TNFSF4: variants seen among roughly 807,000 people sequenced by gnomAD.
TNFSF4 encodes the protein tumor necrosis factor ligand superfamily member 4.
TNFSF4 carries 4 observed loss-of-function variants against 7.3 expected under a neutral mutation model. The observed-to-expected ratio is 0.55, with a 90% CI of 0.27 to 1.25. The LOEUF (loss-of-function observed/expected upper bound fraction) is 1.25, where lower values mean the gene tolerates loss of function less well. Among genes scored for constraint, TNFSF4 ranks in the 50% most tolerant of loss-of-function variants. The pLI is 0.12. For missense variants in TNFSF4, 181 were observed against 208.8 expected, an observed-to-expected ratio of 0.87 and a Z score of 0.82; for synonymous variants, 76 against 83.7, an observed-to-expected ratio of 0.91 and a Z score of 0.50.
At chr1:173,431,557 GACCAA>G in the TNFSF4 span, among the ~76,000 whole-genome samples, 9 of 152,254 alleles carry the variant, frequency 5.9e-5, no homozygotes, top group Non-Finnish European at 1.0e-4. Flanking sequence ...TGAACCAACT[GACCAA>G]ACCAACTGCT....
the TNFSF4 span, among the ~76,000 whole-genome samples, chr1:173,406,750 C>T: frequency 6.6e-6 from 1 of 152,176 alleles, no homozygotes; most frequent in Admixed American, 6.5e-5. Flanking sequence ...CTCTGTCTTC[C>T]TGCCTCCTGT....
chr1:173,449,184 G>A, the TNFSF4 span, among the ~76,000 whole-genome samples: 1 of 152,088 alleles, frequency 6.6e-6, no homozygotes, highest in African/African-American at 2.4e-5. Context: ...ACCATGTGGT[G>A]TTCCCACTCC....
chr1:173,272,882 T>C, the TNFSF4 span, among the ~76,000 whole-genome samples: 6 of 152,110 alleles, frequency 3.9e-5, no homozygotes, highest in Non-Finnish European at 7.4e-5. Context: ...AAGGTCTTGA[T>C]CTCATTCATT....
the TNFSF4 span, among the ~76,000 whole-genome samples, chr1:173,387,403 G>A: frequency 6.6e-6 from 1 of 152,144 alleles, no homozygotes; most frequent in South Asian, 2.1e-4. Flanking sequence ...ATCTTGGAAG[G>A]AGAGCAGCCC....
At chr1:173,414,470 T>G in the TNFSF4 span, among the ~76,000 whole-genome samples, 7 of 152,182 alleles carry the variant, frequency 4.6e-5, no homozygotes, top group Non-Finnish European at 1.0e-4. Context: ...GGGGACGCAA[T>G]TCAATCTGTA....
chr1:173,349,047 T>G, the TNFSF4 span, among the ~76,000 whole-genome samples: 1 of 152,130 alleles, frequency 6.6e-6, no homozygotes, highest in African/African-American at 2.4e-5. Context: ...TTATTTTTTT[T>G]AGACGGAGTC....
At chr1:173,447,219 C>T in the TNFSF4 span, among the ~76,000 whole-genome samples, 1 of 152,032 alleles carries the variant, frequency 6.6e-6, no homozygotes, top group African/African-American at 2.4e-5. Context: ...TCAGTGATTG[C>T]CAGAGTTTAG....
At chr1:173,221,368 A>G in the TNFSF4 span, among the ~76,000 whole-genome samples, 1 of 152,192 alleles carries the variant, frequency 6.6e-6, no homozygotes, top group Non-Finnish European at 1.5e-5. Context: ...GAGTTAAAGC[A>G]GAGAGATGAG....
the TNFSF4 span, among the ~76,000 whole-genome samples, chr1:173,415,987 G>A: frequency 5.9e-5 from 9 of 152,178 alleles, no homozygotes; most frequent in South Asian, 2.1e-4. Flanking sequence ...CAGGTCCACC[G>A]GGCCTCTGCA....
chr1:173,297,542 C>G, the TNFSF4 span, among the ~76,000 whole-genome samples: 1 of 152,096 alleles, frequency 6.6e-6, no homozygotes, highest in African/African-American at 2.4e-5. Context: ...CCTGGCCACT[C>G]ATCAGCTCCC....
At chr1:173,319,627 G>A in the TNFSF4 span, among the ~76,000 whole-genome samples, 1 of 152,168 alleles carries the variant, frequency 6.6e-6, no homozygotes, top group African/African-American at 2.4e-5. Context: ...AATCAAGCTG[G>A]CGCCCTTCTG....
chr1:173,286,620 A>C, the TNFSF4 span, among the ~76,000 whole-genome samples: 45 of 152,322 alleles, frequency 3.0e-4, 1 homozygote, highest in South Asian at 8.3e-4. Context: ...CCTAAACGTG[A>C]AAGTTAAAAC....
the TNFSF4 span, among the ~76,000 whole-genome samples, chr1:173,335,839 T>A: frequency 6.6e-6 from 1 of 152,210 alleles, no homozygotes; most frequent in African/African-American, 2.4e-5. Context: ...TAAAGTAACC[T>A]ACAGCATTTA....
chr1:173,416,131 T>A, the TNFSF4 span, among the ~76,000 whole-genome samples: 4 of 152,094 alleles, frequency 2.6e-5, no homozygotes, highest in African/African-American at 9.7e-5. Flanking sequence ...TTGGTCCTTG[T>A]CTCTAAAGGC....
At chr1:173,363,064 G>T in the TNFSF4 span, 2 of 358,558 alleles carry the variant, frequency 5.6e-6, no homozygotes, top group Admixed American at 3.3e-5. Context: ...TAACTTAGCT[G>T]CCTTAGTTTG....
the TNFSF4 span, among the ~76,000 whole-genome samples, chr1:173,450,615 T>A: frequency 2.0e-5 from 3 of 151,312 alleles, no homozygotes. Context: ...CAAGGCTCAC[T>A]CAACATTTGA....
the TNFSF4 span, among the ~76,000 whole-genome samples, chr1:173,272,185 T>G: frequency 6.6e-6 from 1 of 151,952 alleles, no homozygotes; most frequent in African/African-American, 2.4e-5. Context: ...CATCACACAC[T>G]GGGGCCTGTC....
the TNFSF4 span, among the ~76,000 whole-genome samples, chr1:173,264,507 C>A: frequency 6.6e-6 from 1 of 152,048 alleles, no homozygotes; most frequent in African/African-American, 2.4e-5. Flanking sequence ...AAATATTTAA[C>A]TAAATCTTAC....
chr1:173,237,186 C>A, the TNFSF4 span, among the ~76,000 whole-genome samples: 19,806 of 152,164 alleles, frequency 0.13, 1,434 homozygotes, highest in South Asian at 0.17. Flanking sequence ...TGGAATTGTG[C>A]GTCCATTAAA....
Sources: allele counts gnomAD v4.1 joint callset (sites outside exome capture counted in the v4.1 genomes callset), GRCh38; gene constraint gnomAD v4.1.1; transcripts MANE v1.5; gene names NCBI Gene and HGNC (gene_info 2026-07-23, HGNC 2026-07-21).